The following USP48 variants were observed in gnomAD, a reference collection of about 807,000 sequenced individuals.
USP48 encodes ubiquitin carboxyl-terminal hydrolase 48.
Under a neutral mutation model 150.7 loss-of-function variants are expected in USP48, and 43 were observed. The ratio of observed to expected loss-of-function variants is 0.29; its 90% CI spans 0.22 to 0.37. The LOEUF (loss-of-function observed/expected upper bound fraction) is 0.37. Ranked by LOEUF, USP48 falls within the 10% of genes least tolerant of loss-of-function variation. The probability of loss-of-function intolerance (pLI) is 1.00; values close to 1 mark genes in which losing one functional copy is unlikely to be tolerated. For missense variants in USP48, 813 were observed against 1,249.6 expected, an observed-to-expected ratio of 0.65 and a Z score of 5.27; for synonymous variants, 396 against 425.9, an observed-to-expected ratio of 0.93 and a Z score of 0.86.
At chr1:21,770,270 T>A (rs1007888702) in intron 1 of USP48, among the ~76,000 whole-genome samples, 1 of 152,042 alleles carries the variant, frequency 6.6e-6, no homozygotes, top group South Asian at 2.1e-4. Context: ...GGAATGACAA[T>A]GTATGAATAT....
At chr1:21,747,443 T>C (rs543529569) in intron 7 of USP48, among the ~76,000 whole-genome samples, 2 of 152,310 alleles carry the variant, frequency 1.3e-5, no homozygotes, top group South Asian at 4.1e-4. Flanking sequence ...TGTGCAAACA[T>C]TGCCTTGATT....
intron 8 of USP48, among the ~76,000 whole-genome samples, chr1:21,739,381 T>C (rs1304388712): frequency 2.0e-5 from 3 of 151,674 alleles, no homozygotes; most frequent in Non-Finnish European, 4.4e-5. Context: ...TAGTCAAGCA[T>C]GGTATTGAGT....
At chr1:21,737,666 TA>T (rs1413398582) in intron 8 of USP48, among the ~76,000 whole-genome samples, 1 of 152,316 alleles carries the variant, frequency 6.6e-6, no homozygotes, top group East Asian at 1.9e-4. Flanking sequence ...AATTCATTAA[TA>T]AACCCACATA....
chr1:21,760,052 T>C (rs1482732252), intron 1 of USP48, among the ~76,000 whole-genome samples: 1 of 152,170 alleles, frequency 6.6e-6, no homozygotes, highest in Non-Finnish European at 1.5e-5. Flanking sequence ...ACACACCTTC[T>C]GGTATAATGC....
At chr1:21,737,611 A>G (rs941824273) in intron 8 of USP48, among the ~76,000 whole-genome samples, 10 of 152,356 alleles carry the variant, frequency 6.6e-5, no homozygotes, top group African/African-American at 2.4e-4. Flanking sequence ...GTTAGAAAAG[A>G]TCACTTCCAC....
At chr1:21,728,299 A>G in intron 11 of USP48, 1 of 1,152,200 alleles carries the variant, frequency 8.7e-7, no homozygotes. Flanking sequence ...CAAAATATAA[A>G]TATCTACAAT....
At chr1:21,681,420 C>T (rs1261524104) in intron 25 of USP48, among the ~76,000 whole-genome samples, 2 of 152,022 alleles carry the variant, frequency 1.3e-5, no homozygotes, top group East Asian at 1.9e-4. Context: ...CACCACCACA[C>T]TTGGCTAATT....
chr1:21,721,790 A>G, intron 12 of USP48, 26 bp from the exon 13 acceptor site: 2 of 1,465,178 alleles, frequency 1.4e-6, no homozygotes, highest in Non-Finnish European at 1.9e-6. Flanking sequence ...AATGAAAGGA[A>G]ATATATTTCA....
chr1:21,753,232 T>A, intron 3 of USP48, 113 bp from the exon 4 acceptor site: 2 of 1,106,712 alleles, frequency 1.8e-6, no homozygotes, highest in Non-Finnish European at 2.5e-6. Context: ...CAAACTAGAT[T>A]AATACTTTAT....
chr1:21,718,174 A>C (rs1478256232), intron 14 of USP48, among the ~76,000 whole-genome samples: 1 of 152,248 alleles, frequency 6.6e-6, no homozygotes, highest in African/African-American at 2.4e-5. Flanking sequence ...AAGGACCCTC[A>C]CTGCATCTGT....
intron 10 of USP48, 150 bp from the exon 11 acceptor site, chr1:21,728,869 A>G: frequency 1.0e-6 from 1 of 962,370 alleles, no homozygotes; most frequent in Non-Finnish European, 1.5e-6. Flanking sequence ...CTCCAAACTG[A>G]AGGCAGAAGT....
At chr1:21,704,135 G>A in intron 20 of USP48, 127 bp downstream of exon 20, 1 of 1,025,036 alleles carries the variant, frequency 9.8e-7, no homozygotes, top group Non-Finnish European at 1.4e-6. Flanking sequence ...ATTATAATGA[G>A]AGTTTCCACC....
Position 21,706,600 on chromosome 1 carries a change from A to G in USP48, c.2089-11T>C. ...TTCTCTTTCTAAAATCTGAAAGAGA[A>G]TGAAGCAATCAACTGTCTCCTGCTG... On this transcript the variant is annotated splice_polypyrimidine_tract_variant and intron_variant, in intron 16 of 26. Coordinates refer to ENST00000308271, the MANE Select transcript of USP48 (RefSeq NM_032236.8). 1 of 1,614,132 alleles carries G rather than the reference A, an allele frequency of 6.2e-7. No individual in the cohort carries two copies. Among genetic ancestry groups the G allele is most frequent in the Non-Finnish European group, 8.5e-7 (1 of 1,180,006 alleles).
At chr1:21,756,373 C>G (rs2097834738) in intron 3 of USP48, among the ~76,000 whole-genome samples, 173 bp downstream of exon 3, 1 of 148,796 alleles carries the variant, frequency 6.7e-6, no homozygotes, top group Admixed American at 6.8e-5. Context: ...CCCAGCTTCT[C>G]AAGAGGCTGA....
chr1:21,782,847 C>A lies in USP48; in HGVS notation c.111G>T (p.Glu37Asp), dbSNP rs2097917997. 2.6e-6 allele frequency: 4 copies of A among 1,559,862 alleles called. No individual in the cohort carries two copies. Among genetic ancestry groups the A allele is most frequent in the African/African-American group, 1.4e-5 (1 of 72,944 alleles). The change falls in exon 1 of 27, where the codon GAG becomes GAT. Residue 37 changes from glutamate to aspartate, a missense_variant. By Grantham distance (45) the Glu-to-Asp change is conservative. Coordinates refer to ENST00000308271, the MANE Select transcript of USP48 (RefSeq NM_032236.8). ...HIETAYRIWLEPCIRGVCRRN... is the reference protein window; with the variant it reads ...HIETAYRIWLDPCIRGVCRRN... The stretch of plus-strand genomic sequence containing the variant: ...ACCTGCACACGCCGCGAATGCAGGG[C>A]TCCAGCCAGATGCGGTAAGCGGTCT...
In USP48 at chr1:21,761,186, G is replaced by A. The variant is rs181629605; in HGVS notation, c.135-3403C>T. Among the ~76,000 whole-genome samples, 165 of 151,956 alleles carry A rather than the reference G, an allele frequency of 1.1e-3. 1 individual carries two copies. The highest frequency in any genetic ancestry group is 3.2e-3 in the African/African-American group (132 of 41,476). The stretch of plus-strand genomic sequence containing the variant: ...ATTTACAAATGGGGTAAACACACCC[G>A]TTTGTTTAGATAGAAGAGTACATTA... On this transcript the variant is annotated intron_variant, in intron 1 of 26. Transcript: ENST00000308271.
chr1:21,764,363 C>T (rs148034450), intron 1 of USP48, among the ~76,000 whole-genome samples: 2,995 of 151,230 alleles, frequency 0.02, 44 homozygotes, highest in Non-Finnish European at 0.032. Flanking sequence ...TGCTTGAACC[C>T]GGGAGGCAGA....
intron 1 of USP48, among the ~76,000 whole-genome samples, chr1:21,776,188 G>A (rs1356433150): frequency 1.3e-5 from 2 of 152,084 alleles, no homozygotes; most frequent in African/African-American, 4.8e-5. Context: ...TAACAAACAA[G>A]TCTGCCCTCA....
intron 23 of USP48, among the ~76,000 whole-genome samples, chr1:21,694,377 C>T (rs1397736536): frequency 6.6e-6 from 1 of 151,704 alleles, no homozygotes; most frequent in African/African-American, 2.4e-5. Flanking sequence ...TCAAGACCAG[C>T]CTGGCCAAGA....
Sources: gnomAD v4.1 joint callset for allele counts (sites outside exome capture counted in the v4.1 genomes callset) on GRCh38, gnomAD v4.1.1 for gene constraint, MANE v1.5 for transcripts, NCBI Gene and HGNC (gene_info 2026-07-23, HGNC 2026-07-21) for gene names.